AGBL1: variants seen among roughly 807,000 people sequenced by gnomAD.
The protein encoded by AGBL1 is cytosolic carboxypeptidase 4.
In AGBL1, 130 loss-of-function variants were observed where a neutral mutation model predicts 118.9. That is an observed-to-expected ratio of 1.09 (90% CI 0.95 to 1.26). The LOEUF (loss-of-function observed/expected upper bound fraction) is 1.26. AGBL1 is among the 50% of genes most tolerant of loss of function. The pLI is 0.00. For missense variants in AGBL1, 1,584 were observed against 1,298.1 expected, an observed-to-expected ratio of 1.22 and a Z score of -3.38; for synonymous variants, 555 against 478.9, an observed-to-expected ratio of 1.16 and a Z score of -2.08.
At chr15:86,383,196 G>A (rs1057137606) in intron 17 of AGBL1, among the ~76,000 whole-genome samples, 5 of 128,124 alleles carry the variant, frequency 3.9e-5, no homozygotes, top group African/African-American at 1.5e-4. Flanking sequence ...TTTGGGGGAA[G>A]CCCAAGATTC....
intron 17 of AGBL1, among the ~76,000 whole-genome samples, chr15:86,346,032 G>T (rs2141891151): frequency 6.6e-6 from 1 of 152,002 alleles, no homozygotes; most frequent in South Asian, 2.1e-4. Context: ...GCCCAGGCTG[G>T]AGTGTAATGG....
At chr15:86,967,239 T>C (rs1346597698) in intron 23 of AGBL1, among the ~76,000 whole-genome samples, 2 of 152,198 alleles carry the variant, frequency 1.3e-5, no homozygotes, top group African/African-American at 4.8e-5. Flanking sequence ...CTTTGTCAGA[T>C]GAGTAGGTTG....
At chr15:86,659,086 A>G (rs1230005883) in intron 21 of AGBL1, among the ~76,000 whole-genome samples, 1 of 151,962 alleles carries the variant, frequency 6.6e-6, no homozygotes, top group Non-Finnish European at 1.5e-5. Flanking sequence ...TTTATTTCCT[A>G]TTTGTCCCCC....
At chr15:86,121,672 G>A (rs767668872) in intron 1 of AGBL1, among the ~76,000 whole-genome samples, 35 of 152,180 alleles carry the variant, frequency 2.3e-4, no homozygotes, top group Non-Finnish European at 1.3e-4. Flanking sequence ...AGGAACCCAC[G>A]TTTCTAAAAG....
chr15:86,124,166 C>G (rs951352305), intron 1 of AGBL1, among the ~76,000 whole-genome samples: 1 of 151,952 alleles, frequency 6.6e-6, no homozygotes, highest in Non-Finnish European at 1.5e-5. Context: ...CCCATCTCTA[C>G]TGAAAATACA....
At chr15:86,138,538 G>C (rs780078090) in intron 1 of AGBL1, among the ~76,000 whole-genome samples, 1 of 152,192 alleles carries the variant, frequency 6.6e-6, no homozygotes, top group Admixed American at 6.5e-5. Context: ...TCAGTGCCCA[G>C]CTTGGTGGCT....
chr15:86,312,039 C>T (rs1597718091), intron 17 of AGBL1: 1 of 152,290 alleles, frequency 6.6e-6, no homozygotes, highest in East Asian at 1.9e-4. Flanking sequence ...AATGAATGTT[C>T]ATGACCTAGT....
chr15:86,262,381 A>C (rs958849009), intron 9 of AGBL1, among the ~76,000 whole-genome samples: 1 of 152,126 alleles, frequency 6.6e-6, no homozygotes, highest in African/African-American at 2.4e-5. Context: ...GTGCTGATTA[A>C]ATGTTTGTGA....
At chr15:86,547,028 T>C (rs1254826632) in intron 20 of AGBL1, among the ~76,000 whole-genome samples, 1 of 152,150 alleles carries the variant, frequency 6.6e-6, no homozygotes, top group African/African-American at 2.4e-5. Context: ...CACCTGGAAA[T>C]ACATCCCCTC....
At chr15:86,746,843 A>G (rs2077763820) in intron 22 of AGBL1, among the ~76,000 whole-genome samples, 3 of 152,070 alleles carry the variant, frequency 2.0e-5, no homozygotes, top group South Asian at 2.1e-4. Context: ...CACAAACAAT[A>G]TAACTATAAA....
At position 87,001,228 on chromosome 15, in the gene AGBL1, C is replaced by G. The variant is rs561333970; in HGVS notation, c.3323+13140C>G. Among the ~76,000 whole-genome samples the G allele has an allele frequency of 1.1e-3, 162 of 151,052 alleles. 3 individuals carry two copies. The highest frequency in any genetic ancestry group is 3.1e-3 in the African/African-American group (127 of 40,962). On this transcript the variant is annotated intron_variant, in intron 24 of 24. Transcript: ENST00000441037. ...AATTGAATACCCTTTATTTCCTTCT[C>G]CTGCCTCATTGCCCTGGCCAGAACT...
At chr15:86,091,000 C>A (rs1173076346) in intron 1 of AGBL1, among the ~76,000 whole-genome samples, 1 of 152,018 alleles carries the variant, frequency 6.6e-6, no homozygotes, top group African/African-American at 2.4e-5. Flanking sequence ...TCTGATATAC[C>A]TATTTATTTA....
chr15:86,572,200 C>A lies in AGBL1; in HGVS notation c.2994+17663C>A, dbSNP rs571313316. On this transcript the variant is annotated intron_variant, in intron 21 of 22. Transcript: ENST00000614907. The stretch of plus-strand genomic sequence containing the variant: ...GCCCGCAGGGGGAAGTGCCGGCTCC[C>A]TTCCTGGGCCCCCAAGAACAGAGAT... Among the ~76,000 whole-genome samples the A allele has an allele frequency of 7.9e-5, 12 of 152,048 alleles. No homozygotes were observed. The South Asian group carries it at 2.5e-3, about 32-fold the overall frequency.
intron 17 of AGBL1, chr15:86,296,215 C>CAAAAAAAA (rs10536464): frequency 9.7e-6 from 1 of 103,288 alleles, no homozygotes; most frequent in African/African-American, 3.3e-5. Context: ...CTTAGGTAGG[C>CAAAAAAAA]AAAAAAAAAA....
intron 18 of AGBL1, among the ~76,000 whole-genome samples, chr15:86,436,596 A>G (rs1247741927): frequency 6.6e-6 from 1 of 152,206 alleles, no homozygotes; most frequent in Non-Finnish European, 1.5e-5. Flanking sequence ...CATTGTAAAT[A>G]GAGTGACGAA....
At chr15:86,517,109 G>A (rs1390687270) in intron 18 of AGBL1, among the ~76,000 whole-genome samples, 2 of 152,228 alleles carry the variant, frequency 1.3e-5, no homozygotes, top group Non-Finnish European at 2.9e-5. Flanking sequence ...GGGCAAGTAT[G>A]TAAGTGGGAG....
chr15:86,666,506 A>G (rs1339296233), intron 21 of AGBL1, among the ~76,000 whole-genome samples: 1 of 152,078 alleles, frequency 6.6e-6, no homozygotes, highest in Non-Finnish European at 1.5e-5. Context: ...TCTAATATGT[A>G]TGACTCATTT....
At chr15:86,095,267 C>T (rs1394654942) in intron 1 of AGBL1, among the ~76,000 whole-genome samples, 3 of 152,154 alleles carry the variant, frequency 2.0e-5, no homozygotes, top group African/African-American at 7.2e-5. Context: ...ATAGGCCTGA[C>T]TGATTGACTC....
At chr15:86,686,779 A>G (rs2086065661) in intron 22 of AGBL1, among the ~76,000 whole-genome samples, 1 of 152,102 alleles carries the variant, frequency 6.6e-6, no homozygotes, top group African/African-American at 2.4e-5. Context: ...CTCTCACAAC[A>G]AATAGTCATG....
Sources: gnomAD v4.1 joint callset for allele counts (sites outside exome capture counted in the v4.1 genomes callset) on GRCh38, gnomAD v4.1.1 for gene constraint, MANE v1.5 for transcripts, NCBI Gene and HGNC (gene_info 2026-07-23, HGNC 2026-07-21) for gene names.